CATSPERB: variants seen among roughly 807,000 people sequenced by gnomAD.
CATSPERB encodes the protein catsper channel auxiliary subunit beta.
CATSPERB carries 93 observed loss-of-function variants against 128.3 expected under a neutral mutation model. The observed-to-expected ratio is 0.72, with a 90% confidence interval of 0.61 to 0.86. The LOEUF (loss-of-function observed/expected upper bound fraction) is 0.86, where lower values mean the gene tolerates loss of function less well. Ranked by LOEUF, CATSPERB falls within the 40% of genes least tolerant of loss-of-function variation. The probability of loss-of-function intolerance (pLI) is 0.00; values close to 1 mark genes in which losing one functional copy is unlikely to be tolerated. For synonymous variants in CATSPERB, 381 were observed against 448.8 expected (o/e 0.85, Z 1.91); for missense variants, 1,153 against 1,329.5 (o/e 0.87, Z 2.06).
At chr14:91,702,480 G>T (rs1159817062) in intron 7 of CATSPERB, among the ~76,000 whole-genome samples, 1 of 151,722 alleles carries the variant, frequency 6.6e-6, no homozygotes, top group Non-Finnish European at 1.5e-5. Context: ...AGAGATTTGG[G>T]CAAGGTTATT....
chr14:91,695,064 A>G (rs1895538787), intron 7 of CATSPERB, among the ~76,000 whole-genome samples: 1 of 152,112 alleles, frequency 6.6e-6, no homozygotes, highest in Non-Finnish European at 1.5e-5. Context: ...TTCCAGGAAG[A>G]GGAAAACTAA....
At chr14:91,633,831 T>G (rs12435363) in intron 17 of CATSPERB, among the ~76,000 whole-genome samples, 96,037 of 150,106 alleles carry the variant, frequency 0.64, 31,262 homozygotes, top group African/African-American at 0.77. Context: ...TATATATATA[T>G]AGAGAGAGAG....
intron 10 of CATSPERB, 28 bp from the exon 11 acceptor site, chr14:91,683,971 G>A (rs779563977): frequency 6.9e-7 from 1 of 1,445,216 alleles, no homozygotes. Flanking sequence ...ATATCACTTA[G>A]CCAATATGTA....
intron 2 of CATSPERB, among the ~76,000 whole-genome samples, chr14:91,727,994 C>A (rs951957082): frequency 2.8e-4 from 42 of 152,138 alleles, no homozygotes; most frequent in African/African-American, 8.2e-4. Flanking sequence ...ATAGTTAAGC[C>A]CATTTTTTCA....
chr14:91,718,008 G>T (rs1458807844), intron 5 of CATSPERB, among the ~76,000 whole-genome samples: 2 of 152,060 alleles, frequency 1.3e-5, no homozygotes, highest in Admixed American at 1.3e-4. Flanking sequence ...TATCATCTTT[G>T]TTCCTGTCTG....
At chr14:91,592,027 G>C in intron 22 of CATSPERB, 25 bp from the exon 23 acceptor site, 1 of 1,467,006 alleles carries the variant, frequency 6.8e-7, no homozygotes, top group Non-Finnish European at 9.6e-7. Flanking sequence ...AACAGATGTT[G>C]ACTTGTTTTT....
chr14:91,607,068 A>C, intron 22 of CATSPERB, among the ~76,000 whole-genome samples: 1 of 69,106 alleles, frequency 1.4e-5, no homozygotes, highest in Non-Finnish European at 2.5e-5. Context: ...TCACTTCCTA[A>C]TTGTGTGTGT....
At chr14:91,670,160 T>C (rs1249050762) in intron 13 of CATSPERB, among the ~76,000 whole-genome samples, 188 bp from the exon 14 acceptor site, 1 of 152,202 alleles carries the variant, frequency 6.6e-6, no homozygotes, top group Non-Finnish European at 1.5e-5. Flanking sequence ...CATCTTATAG[T>C]TGTTGAAAAT....
chr14:91,639,364 C>G (rs1413990863), intron 15 of CATSPERB, 114 bp from the exon 16 acceptor site: 1 of 802,790 alleles, frequency 1.2e-6, no homozygotes, highest in African/African-American at 1.7e-5. Flanking sequence ...AAGTAGGGCC[C>G]TGAGACTCCT....
chr14:91,611,674 G>A (rs1893830331), intron 20 of CATSPERB, among the ~76,000 whole-genome samples: 1 of 151,848 alleles, frequency 6.6e-6, no homozygotes, highest in Admixed American at 6.6e-5. Flanking sequence ...AGAAACATGA[G>A]GACTATAGTT....
intron 22 of CATSPERB, among the ~76,000 whole-genome samples, chr14:91,597,672 T>C (rs1454839929): frequency 6.6e-6 from 1 of 152,126 alleles, no homozygotes; most frequent in African/African-American, 2.4e-5. Flanking sequence ...TCTGCGATAG[T>C]CCCCGGGCCT....
intron 20 of CATSPERB, among the ~76,000 whole-genome samples, chr14:91,616,228 C>T (rs12431910): frequency 1.3e-5 from 2 of 152,192 alleles, no homozygotes; most frequent in East Asian, 1.9e-4. Context: ...TCTCAGCAAC[C>T]GTGTACAAGT....
chr14:91,663,447 C>T (rs113457263), intron 14 of CATSPERB, among the ~76,000 whole-genome samples: 6,537 of 151,990 alleles, frequency 0.043, 351 homozygotes, highest in African/African-American at 0.13. Context: ...AGATCGAGAC[C>T]ATCCTGGCTA....
chr14:91,710,221 A>C (rs556371631), intron 5 of CATSPERB: 2 of 152,398 alleles, frequency 1.3e-5, no homozygotes, highest in South Asian at 4.1e-4. Context: ...CTTGGCTGTT[A>C]AAACCTTTGT....
intron 11 of CATSPERB, 55 bp downstream of exon 11, chr14:91,683,822 G>T: frequency 9.2e-7 from 1 of 1,091,062 alleles, no homozygotes; most frequent in Non-Finnish European, 1.3e-6. Context: ...CTTGCATTCA[G>T]TTACACATAT....
At chr14:91,660,015 G>A (rs1351843932) in intron 14 of CATSPERB, 34 bp from the exon 15 acceptor site, 6 of 1,531,004 alleles carry the variant, frequency 3.9e-6, no homozygotes, top group African/African-American at 2.8e-5. Context: ...CTTACTAAAG[G>A]GCTGCCATGC....
intron 15 of CATSPERB, among the ~76,000 whole-genome samples, chr14:91,658,809 C>T (rs1423292499): frequency 4.1e-5 from 6 of 145,694 alleles, no homozygotes; most frequent in African/African-American, 1.0e-4. Flanking sequence ...GGTAAATTTA[C>T]TTCCATATTC....
intron 15 of CATSPERB, among the ~76,000 whole-genome samples, chr14:91,656,772 T>G (rs1032787384): frequency 6.6e-6 from 1 of 151,906 alleles, no homozygotes; most frequent in African/African-American, 2.4e-5. Context: ...GAAACACACT[T>G]CACCTAAAAA....
intron 22 of CATSPERB, among the ~76,000 whole-genome samples, chr14:91,595,845 T>C (rs987442152): frequency 6.6e-6 from 1 of 152,212 alleles, no homozygotes; most frequent in African/African-American, 2.4e-5. Context: ...TAGTCACAAA[T>C]AGTTTCCAAA....
Sources: gnomAD v4.1 joint callset for allele counts (sites outside exome capture counted in the v4.1 genomes callset) on GRCh38, gnomAD v4.1.1 for gene constraint, MANE v1.5 for transcripts, NCBI Gene and HGNC (gene_info 2026-07-23, HGNC 2026-07-21) for gene names.